The following PPP3CA variants were observed in gnomAD, a reference collection of about 807,000 sequenced individuals.
PPP3CA encodes CAM-PRP catalytic subunit.
A neutral mutation model predicts 66.5 loss-of-function variants in PPP3CA; 14 were observed. The observed-to-expected ratio is 0.21, with a 90% CI of 0.14 to 0.33. The LOEUF (loss-of-function observed/expected upper bound fraction) is 0.33. Among genes scored for constraint, PPP3CA ranks in the 10% least tolerant of loss-of-function variants. The pLI is 1.00. For missense variants in PPP3CA, 317 were observed against 639.5 expected, an observed-to-expected ratio of 0.50 and a Z score of 5.44; for synonymous variants, 232 against 226.2, an observed-to-expected ratio of 1.03 and a Z score of -0.23.
At chr4:101,048,971 T>C (rs959707534) in intron 10 of PPP3CA, among the ~76,000 whole-genome samples, 1 of 152,110 alleles carries the variant, frequency 6.6e-6, no homozygotes, top group African/African-American at 2.4e-5. Flanking sequence ...AAGTGTTCAA[T>C]GGATTTTAAG....
intron 2 of PPP3CA, among the ~76,000 whole-genome samples, chr4:101,188,082 A>G (rs2110182047): frequency 6.6e-6 from 1 of 152,294 alleles, no homozygotes; most frequent in South Asian, 2.1e-4. Context: ...GCACATTCAG[A>G]GATCGTGAGA....
At position 101,161,275 on chromosome 4, in the gene PPP3CA, G is replaced by A. The variant is rs570357874; in HGVS notation, c.259+34641C>T. ...TCCCACAACAAAATCGGCAAATGAC[G>A]CATTTCTCAGGATGTTTCCCTGTTG... is the stretch of plus-strand genomic sequence containing the variant. On this transcript the variant is annotated intron_variant, in intron 2 of 13. Coordinates refer to ENST00000394854, the MANE Select transcript of PPP3CA (RefSeq NM_000944.5). 2.6e-5 allele frequency among the ~76,000 whole-genome samples: 4 copies of A among 151,984 alleles called. No individual in the cohort carries two copies. In the South Asian group the frequency reaches 8.3e-4, roughly 31 times the overall value.
chr4:101,270,086 A>C (rs994388620), intron 1 of PPP3CA, among the ~76,000 whole-genome samples: 2 of 152,154 alleles, frequency 1.3e-5, no homozygotes, highest in African/African-American at 4.8e-5. Context: ...TGCAAACAAG[A>C]TCTTTGAGGA....
chr4:101,209,278 T>C (rs560719125), intron 1 of PPP3CA, among the ~76,000 whole-genome samples: 4 of 152,318 alleles, frequency 2.6e-5, no homozygotes, highest in Admixed American at 6.5e-5. Context: ...CCAAGTTACA[T>C]TGCATTTTTT....
At chr4:101,169,069 G>A (rs931191150) in intron 2 of PPP3CA, among the ~76,000 whole-genome samples, 7 of 152,076 alleles carry the variant, frequency 4.6e-5, no homozygotes, top group East Asian at 1.9e-4. Context: ...AAATTGAGAC[G>A]CTCACTTTTG....
At chr4:101,217,255 T>C (rs538330333) in intron 1 of PPP3CA, among the ~76,000 whole-genome samples, 2 of 152,228 alleles carry the variant, frequency 1.3e-5, no homozygotes, top group African/African-American at 4.8e-5. Flanking sequence ...TGTTTATTGT[T>C]CCTGTTTGAC....
chr4:101,167,156 C>T (rs564640595), intron 2 of PPP3CA, among the ~76,000 whole-genome samples: 3 of 152,226 alleles, frequency 2.0e-5, no homozygotes, highest in Admixed American at 6.5e-5. Context: ...AGAGAAATAA[C>T]TCTCTAGGCT....
intron 1 of PPP3CA, among the ~76,000 whole-genome samples, chr4:101,241,593 A>G (rs1481054944): frequency 6.6e-6 from 1 of 152,116 alleles, no homozygotes; most frequent in Non-Finnish European, 1.5e-5. Context: ...TATTAATCCA[A>G]TGCTTACTAT....
rs751843872 is a variant in PPP3CA, at chr4:101,025,897, T to C, written c.1534A>G (p.Ser512Gly). 3 of 1,604,276 alleles carry C rather than the reference T, an allele frequency of 1.9e-6. No individual in the cohort carries two copies. Among genetic ancestry groups the C allele is most frequent in the Non-Finnish European group, 2.6e-6 (3 of 1,176,220 alleles). ...ALTSETNGTD[S>G]NGSNSSNIQ The stretch of plus-strand genomic sequence containing the variant: ...ATATTGCTGCTATTACTGCCATTGC[T>C]GTCCGTGCCGTTAGTCTCTGAGGTG... The change falls in exon 14 of 14, where the codon AGC becomes GGC. Residue 512 changes from serine to glycine, a missense_variant. Ser to Gly is a moderately conservative substitution (Grantham distance 56). This residue lies in a region of PPP3CA where 40 missense variants were observed against 38.6 expected (regional missense o/e 1.04). Transcript: ENST00000394854.
chr4:101,062,819 G>A lies in PPP3CA; in HGVS notation c.1081+413C>T, dbSNP rs78388595. On this transcript the variant is annotated intron_variant, in intron 9 of 13. Transcript: ENST00000394854. ...ACAATAATTTATTAACATCAGAAAT[G>A]TAAGGAGAGCATGGCTATCCTAATC... is the stretch of plus-strand genomic sequence containing the variant. 1.2e-3 allele frequency among the ~76,000 whole-genome samples: 188 copies of A among 152,070 alleles called. 3 individuals carry two copies. The East Asian group carries it at 0.016, about 13-fold the overall frequency.
At chr4:101,290,613 A>T (rs1162832807) in intron 1 of PPP3CA, among the ~76,000 whole-genome samples, 6 of 152,238 alleles carry the variant, frequency 3.9e-5, no homozygotes, top group Admixed American at 3.9e-4. Context: ...AAAAATGCAT[A>T]CACCCTCGTG....
Position 101,062,859 on chromosome 4 carries a change from A to G in PPP3CA, c.1081+373T>C, listed in dbSNP as rs570528204. On this transcript the variant is annotated intron_variant, in intron 9 of 13. Transcript: ENST00000394854. ...CTATCCTAATCTTTTAATTTGGCAGATAATTTGTAAAATTAAATAGTCCTT... is the reference window on the plus strand; with the variant it reads ...CTATCCTAATCTTTTAATTTGGCAGGTAATTTGTAAAATTAAATAGTCCTT... Among the ~76,000 whole-genome samples the G allele has an allele frequency of 7.4e-4, 112 of 152,144 alleles. 1 individual carries two copies. Among genetic ancestry groups the G allele is most frequent in the African/African-American group, 2.6e-3 (109 of 41,548 alleles).
At chr4:101,056,454 C>A (rs932882218) in intron 10 of PPP3CA, among the ~76,000 whole-genome samples, 1 of 151,984 alleles carries the variant, frequency 6.6e-6, no homozygotes, top group Non-Finnish European at 1.5e-5. Flanking sequence ...TTGCTATAGG[C>A]GCATCTCTAA....
intron 1 of PPP3CA, among the ~76,000 whole-genome samples, chr4:101,337,708 T>C (rs537684281): frequency 6.6e-6 from 1 of 152,312 alleles, no homozygotes; most frequent in South Asian, 2.1e-4. Context: ...AAAATGGAGC[T>C]TGGAAAGGCC....
At chr4:101,045,352 T>C (rs560465381) in intron 10 of PPP3CA, among the ~76,000 whole-genome samples, 68 of 152,324 alleles carry the variant, frequency 4.5e-4, no homozygotes, top group South Asian at 2.7e-3. Context: ...CTTAACTCCA[T>C]GGTCAGTAAT....
At chr4:101,267,602 G>A (rs1727209405) in intron 1 of PPP3CA, among the ~76,000 whole-genome samples, 1 of 152,174 alleles carries the variant, frequency 6.6e-6, no homozygotes, top group South Asian at 2.1e-4. Flanking sequence ...AAGCGGATCT[G>A]AGGAATGGCC....
intron 1 of PPP3CA, among the ~76,000 whole-genome samples, chr4:101,277,444 T>A (rs1727538019): frequency 1.3e-5 from 2 of 152,204 alleles, no homozygotes; most frequent in South Asian, 4.1e-4. Flanking sequence ...GTAACAAAGT[T>A]AACACTTGAT....
chr4:101,300,578 T>C (rs1322259730), intron 1 of PPP3CA, among the ~76,000 whole-genome samples: 2 of 152,162 alleles, frequency 1.3e-5, no homozygotes, highest in East Asian at 3.8e-4. Context: ...GTGGATCACT[T>C]GATGCCAGGA....
chr4:101,245,241 T>A (rs866746066), intron 1 of PPP3CA, among the ~76,000 whole-genome samples: 2 of 152,286 alleles, frequency 1.3e-5, no homozygotes, highest in Middle Eastern at 6.8e-3. Context: ...GTTTATCACA[T>A]GTTTAATTCG....
Sources: allele counts gnomAD v4.1 joint callset (sites outside exome capture counted in the v4.1 genomes callset), GRCh38; gene constraint gnomAD v4.1.1; regional missense constraint gnomAD v4.1.1; transcripts MANE v1.5; gene names NCBI Gene and HGNC (gene_info 2026-07-23, HGNC 2026-07-21).